Variants in CDC42SE2 observed in about 807,000 individuals in gnomAD.
The protein encoded by CDC42SE2 is CDC42 small effector 2, also known as CDC42 small effector protein 2.
A neutral mutation model predicts 11.5 loss-of-function variants in CDC42SE2; 3 were observed. The observed-to-expected ratio is 0.26, with a 90% CI of 0.12 to 0.67. CDC42SE2 has a LOEUF of 0.67. Among genes scored for constraint, CDC42SE2 ranks in the 30% least tolerant of loss-of-function variants. The probability of loss-of-function intolerance (pLI) is 0.80; values close to 1 mark genes in which losing one functional copy is unlikely to be tolerated. For missense variants in CDC42SE2, 82 were observed against 106.8 expected (o/e 0.77, Z 1.02); for synonymous variants, 33 against 34.8 (o/e 0.95, Z 0.18).
At chr5:131,277,822 C>A (rs1343274229) in intron 1 of CDC42SE2, among the ~76,000 whole-genome samples, 1 of 152,088 alleles carries the variant, frequency 6.6e-6, no homozygotes, top group East Asian at 1.9e-4. Context: ...TTTCTTCATG[C>A]CATTTGTGAG....
chr5:131,381,313 TTTTTTTTTG>T lies in CDC42SE2; in HGVS notation c.55-4221_55-4213del, dbSNP rs1320533974. 5.1e-5 allele frequency among the ~76,000 whole-genome samples: 3 copies of T among 58,428 alleles called. No homozygotes were observed. The African/African-American group carries it at 1.1e-3, about 21-fold the overall frequency. 38.3% of individuals were successfully genotyped at this position (58,428 alleles called of 152,430 possible). Reference sequence around the variant, plus strand: ...AAATCCAGCCTGCAACCAAGTGCTGTTTTTTTTTGTTTTTTTTTTTGTTTTTTTGAGAGA... The same window carrying T: ...AAATCCAGCCTGCAACCAAGTGCTGTTTTTTTTTTTTGTTTTTTTGAGAGA... On this transcript the variant is annotated intron_variant, in intron 3 of 4. Transcript: ENST00000505065.
At chr5:131,269,695 CAG>C (rs1445899463) in intron 1 of CDC42SE2, among the ~76,000 whole-genome samples, 2 of 151,272 alleles carry the variant, frequency 1.3e-5, no homozygotes, top group African/African-American at 4.9e-5. Context: ...ACCCGGGAGA[CAG>C]AGGCTGCAGT....
chr5:131,275,459 G>T (rs959200031), intron 1 of CDC42SE2, among the ~76,000 whole-genome samples: 32 of 151,892 alleles, frequency 2.1e-4, no homozygotes, highest in Admixed American at 1.9e-3. Flanking sequence ...ACCAGGCCAG[G>T]CTAATTTTGT....
chr5:131,381,915 A>ATCTT (rs1225065416), intron 3 of CDC42SE2, among the ~76,000 whole-genome samples: 1 of 152,040 alleles, frequency 6.6e-6, no homozygotes, highest in African/African-American at 2.4e-5. Flanking sequence ...TACTATTTTC[A>ATCTT]TCTTAGGTGT....
chr5:131,250,301 A>G (rs192189282), intron 1 of CDC42SE2, among the ~76,000 whole-genome samples: 1 of 152,342 alleles, frequency 6.6e-6, no homozygotes, highest in Admixed American at 6.5e-5. Flanking sequence ...AACAATCAAA[A>G]TAAGTAATTT....
intron 2 of CDC42SE2, among the ~76,000 whole-genome samples, chr5:131,348,032 A>G (rs1758896726): frequency 6.6e-6 from 1 of 152,240 alleles, no homozygotes; most frequent in African/African-American, 2.4e-5. Flanking sequence ...ACCCACAGCC[A>G]GTATCATACT....
chr5:131,307,946 C>A (rs1308624282), intron 1 of CDC42SE2, among the ~76,000 whole-genome samples: 1 of 152,184 alleles, frequency 6.6e-6, no homozygotes, highest in African/African-American at 2.4e-5. Context: ...TGTTTGAGTT[C>A]CCTGTAGATT....
chr5:131,378,127 T>C (rs920755976), intron 3 of CDC42SE2, among the ~76,000 whole-genome samples: 1 of 152,170 alleles, frequency 6.6e-6, no homozygotes, highest in African/African-American at 2.4e-5. Flanking sequence ...ACAGGAAATA[T>C]CCAACAGCCT....
At chr5:131,236,077 T>G in the CDC42SE2 span, among the ~76,000 whole-genome samples, 1 of 152,230 alleles carries the variant, frequency 6.6e-6, no homozygotes. Context: ...TGTCCTTTCC[T>G]TTATAGAATT....
intron 2 of CDC42SE2, among the ~76,000 whole-genome samples, chr5:131,328,792 G>C (rs999371542): frequency 3.3e-5 from 5 of 152,220 alleles, no homozygotes; most frequent in Non-Finnish European, 7.3e-5. Context: ...TTATGTCCAG[G>C]TGAGTTTAAG....
At chr5:131,257,454 G>A (rs1271770062) in intron 2 of CDC42SE2, among the ~76,000 whole-genome samples, 1 of 151,154 alleles carries the variant, frequency 6.6e-6, no homozygotes, top group East Asian at 1.9e-4. Flanking sequence ...GGAGGAAGTG[G>A]CAAGATTTCT....
chr5:131,304,338 T>A (rs756522020), intron 1 of CDC42SE2, among the ~76,000 whole-genome samples: 1 of 152,076 alleles, frequency 6.6e-6, no homozygotes, highest in Non-Finnish European at 1.5e-5. Context: ...TTTTTCTCCG[T>A]CTCTTCAGTA....
At chr5:131,354,659 T>G (rs1171071116) in intron 2 of CDC42SE2, 5 of 152,198 alleles carry the variant, frequency 3.3e-5, no homozygotes, top group African/African-American at 1.2e-4. Context: ...AGATAGATTT[T>G]AGGCTGTTTC....
chr5:131,385,670 G>T, intron 4 of CDC42SE2, 26 bp downstream of exon 4: 1 of 1,426,416 alleles, frequency 7.0e-7, no homozygotes, highest in Non-Finnish European at 9.9e-7. Flanking sequence ...GGACATGCAG[G>T]TAGGGCATTG....
At chr5:131,348,613 A>G (rs559114093) in intron 2 of CDC42SE2, among the ~76,000 whole-genome samples, 1 of 152,182 alleles carries the variant, frequency 6.6e-6, no homozygotes, top group African/African-American at 2.4e-5. Flanking sequence ...TCTACCAATG[A>G]CTTTCTTCAC....
rs891207235 is a variant in CDC42SE2, at chr5:131,372,670, G to A, written c.55-12873G>A. On this transcript the variant is annotated intron_variant, in intron 3 of 4. Coordinates refer to ENST00000505065, the MANE Select transcript of CDC42SE2 (RefSeq NM_001375635.1). Reference sequence around the variant, plus strand: ...GGAGGTTGCAGTGAGCCGAGATCACGCCACTGCACTCCTGCCTGGGTGACA... The same window carrying A: ...GGAGGTTGCAGTGAGCCGAGATCACACCACTGCACTCCTGCCTGGGTGACA... Among the ~76,000 whole-genome samples the A allele has an allele frequency of 5.9e-5, 9 of 151,420 alleles. No homozygotes were observed. The East Asian group carries it at 9.7e-4, about 16-fold the overall frequency.
In CDC42SE2 at chr5:131,393,598, T is replaced by G. The variant is rs998214523; in HGVS notation, c.*2507T>G. On this transcript the variant is annotated 3_prime_UTR_variant, in exon 5 of 5. Coordinates refer to ENST00000505065, the MANE Select transcript of CDC42SE2 (RefSeq NM_001375635.1). ...GCTCAGCCAGGCACGGTCAGTTTCT[T>G]GGCCAGGGACATTGCTATGTGCTGT... 1 of 152,392 alleles carries G rather than the reference T, an allele frequency of 6.6e-6. No individual in the cohort carries two copies. The highest frequency in any genetic ancestry group is 2.4e-5 in the African/African-American group (1 of 41,466). The allele number at this position is 152,392 out of a possible 1,614,324, so 9.4% of individuals were successfully genotyped here.
chr5:131,310,566 T>C lies in CDC42SE2; in HGVS notation c.-454-5410T>C, dbSNP rs1230274442. Among the ~76,000 whole-genome samples, 339 of 151,614 alleles carry C rather than the reference T, an allele frequency of 2.2e-3. 2 individuals carry two copies. The highest frequency in any genetic ancestry group is 8.0e-3 in the African/African-American group (330 of 41,048). On this transcript the variant is annotated intron_variant, in intron 1 of 4. Coordinates refer to ENST00000505065, the MANE Select transcript of CDC42SE2 (RefSeq NM_001375635.1). ...GTGGGGTGTTAAAATCTCCCATTAT[T>C]AATGTGTGGGAGTCTAAGTCTCTTT...
At chr5:131,234,509 G>A in the CDC42SE2 span, among the ~76,000 whole-genome samples, 108 of 151,880 alleles carry the variant, frequency 7.1e-4, no homozygotes, top group African/African-American at 2.4e-3. Context: ...AGTGGCGGGC[G>A]CCTGTAATCC....
Sources: allele counts gnomAD v4.1 joint callset (sites outside exome capture counted in the v4.1 genomes callset), GRCh38; gene constraint gnomAD v4.1.1; transcripts MANE v1.5; gene names NCBI Gene and HGNC (gene_info 2026-07-23, HGNC 2026-07-21).